The following KDM6A variants were observed in gnomAD, a reference collection of about 807,000 sequenced individuals.
The protein encoded by KDM6A is lysine-specific demethylase 6A.
A neutral mutation model predicts 117.6 loss-of-function variants in KDM6A; 11 were observed. The ratio of observed to expected loss-of-function variants is 0.09; its 90% CI spans 0.06 to 0.15. The LOEUF (loss-of-function observed/expected upper bound fraction) is 0.15. KDM6A is among the 10% of genes least tolerant of loss of function. KDM6A has a pLI of 1.00. For synonymous variants in KDM6A, 384 were observed against 396.1 expected (o/e 0.97, Z 0.36); for missense variants, 799 against 1,077.3 (o/e 0.74, Z 3.62).
intron 8 of KDM6A, among the ~76,000 whole-genome samples, chrX:45,042,016 G>A (rs1289519460): frequency 2.7e-5 from 3 of 110,748 alleles, no homozygotes; most frequent in Admixed American, 9.4e-5. Flanking sequence ...TCGGGAGGCC[G>A]AGGCTGGCGG....
At chrX:44,883,989 C>T (rs1217114373) in intron 2 of KDM6A, among the ~76,000 whole-genome samples, 1 of 106,595 alleles carries the variant, frequency 9.4e-6, no homozygotes, top group African/African-American at 3.4e-5. Flanking sequence ...GTAATTCCAG[C>T]TACTTGGGAG....
intron 2 of KDM6A, among the ~76,000 whole-genome samples, chrX:44,937,304 T>C (rs1242413284): frequency 9.0e-6 from 1 of 111,413 alleles, no homozygotes; most frequent in Non-Finnish European, 1.9e-5. Flanking sequence ...AGGAGAGTTA[T>C]AGGCACACCT....
At chrX:44,950,620 A>G in intron 2 of KDM6A, among the ~76,000 whole-genome samples, 1 of 110,654 alleles carries the variant, frequency 9.0e-6, no homozygotes, top group Non-Finnish European at 1.9e-5. Context: ...GTGTGAATAT[A>G]GAATCCATTA....
chrX:44,966,255 C>G (rs1447039089), intron 3 of KDM6A, among the ~76,000 whole-genome samples: 5 of 110,363 alleles, frequency 4.5e-5, no homozygotes, highest in Admixed American at 9.7e-5. Context: ...GATTCTCCTA[C>G]CTCAGCCTCC....
At chrX:45,005,975 C>A (rs2041439106) in intron 4 of KDM6A, among the ~76,000 whole-genome samples, 2 of 61,496 alleles carry the variant, frequency 3.3e-5, no homozygotes, top group African/African-American at 1.5e-4. Flanking sequence ...CCCCACCCCC[C>A]CCACCCCCCA....
intron 2 of KDM6A, among the ~76,000 whole-genome samples, chrX:44,922,593 C>T (rs899621649): frequency 2.7e-5 from 3 of 111,486 alleles, no homozygotes; most frequent in Non-Finnish European, 5.6e-5. Flanking sequence ...TTCAGCCTTC[C>T]GAGTAGCTGG....
In KDM6A at chrX:44,969,649, C is replaced by A. The variant is rs756537053; in HGVS notation, c.335-5017C>A. On this transcript the variant is annotated intron_variant, in intron 3 of 29. Coordinates refer to ENST00000611820, the MANE Select transcript of KDM6A (RefSeq NM_001291415.2). ...GCCAGGATGGTCTCGATCTCCTGAC[C>A]TTGTGATCCGCCTGCCTCGGCCTCC... 1.2e-4 allele frequency among the ~76,000 whole-genome samples: 13 copies of A among 110,404 alleles called. No individual in the cohort carries two copies. In the East Asian group the frequency reaches 3.4e-3, roughly 29 times the overall value.
At chrX:45,020,452 T>C (rs749589429) in intron 5 of KDM6A, among the ~76,000 whole-genome samples, 158 bp from the exon 6 acceptor site, 25 of 112,032 alleles carry the variant, frequency 2.2e-4, no homozygotes, top group East Asian at 1.7e-3. Context: ...TATGCCCCTT[T>C]TCAATTTTAC....
At chrX:45,092,615 A>G (rs1373694289) in intron 27 of KDM6A, among the ~76,000 whole-genome samples, 3 of 111,775 alleles carry the variant, frequency 2.7e-5, no homozygotes, top group Non-Finnish European at 5.6e-5. Flanking sequence ...GGACATACCA[A>G]TGTTTAAGAT....
At chrX:45,033,111 C>G (rs1263197171) in intron 6 of KDM6A, among the ~76,000 whole-genome samples, 1 of 111,993 alleles carries the variant, frequency 8.9e-6, no homozygotes. Context: ...GTTCTTCTAT[C>G]TAAATATTTA....
At chrX:44,919,782 G>C (rs1193058525) in intron 2 of KDM6A, among the ~76,000 whole-genome samples, 1 of 109,816 alleles carries the variant, frequency 9.1e-6, no homozygotes, top group African/African-American at 3.3e-5. Context: ...GCTAATTTAT[G>C]TATTTTCAGT....
At chrX:44,988,755 A>T (rs1247323304) in intron 4 of KDM6A, among the ~76,000 whole-genome samples, 1 of 110,627 alleles carries the variant, frequency 9.0e-6, no homozygotes, top group Non-Finnish European at 1.9e-5. Flanking sequence ...TTGCTGCCTG[A>T]TCGTTCCTCT....
At chrX:45,065,600 G>T (rs1389873046) in intron 17 of KDM6A, among the ~76,000 whole-genome samples, 1 of 111,700 alleles carries the variant, frequency 9.0e-6, no homozygotes, top group Non-Finnish European at 1.9e-5. Flanking sequence ...CAGCTTCTGG[G>T]TATATTTGGA....
intron 26 of KDM6A, among the ~76,000 whole-genome samples, chrX:45,090,353 G>A (rs1171784976): frequency 8.9e-6 from 1 of 112,124 alleles, no homozygotes; most frequent in Non-Finnish European, 1.9e-5. Flanking sequence ...GGAGTTTAGA[G>A]CCAGAAAGAC....
At chrX:44,986,062 T>C (rs769908337) in intron 4 of KDM6A, among the ~76,000 whole-genome samples, 1 of 111,881 alleles carries the variant, frequency 8.9e-6, no homozygotes, top group Admixed American at 9.5e-5. Flanking sequence ...GTTGGTAAGC[T>C]ATTAATTATT....
chrX:44,901,161 A>G (rs920629975), intron 2 of KDM6A, among the ~76,000 whole-genome samples: 1 of 111,194 alleles, frequency 9.0e-6, no homozygotes, highest in Non-Finnish European at 1.9e-5. Flanking sequence ...CGGGCAGATC[A>G]CTTGAGGGTC....
intron 2 of KDM6A, among the ~76,000 whole-genome samples, chrX:44,938,170 G>C (rs185097789): frequency 9.0e-6 from 1 of 111,489 alleles, no homozygotes; most frequent in Admixed American, 9.5e-5. Context: ...ATGTTGTCTA[G>C]GCTGGTTTTG....
chrX:44,930,540 G>A (rs1172754662), intron 2 of KDM6A, among the ~76,000 whole-genome samples: 1 of 111,391 alleles, frequency 9.0e-6, no homozygotes, highest in Non-Finnish European at 1.9e-5. Flanking sequence ...TCTGAAAAGG[G>A]TTGTTCTATT....
At chrX:45,107,947 A>AGAGGTGCAGGAACAAAGAT (rs1445317844) in intron 28 of KDM6A, among the ~76,000 whole-genome samples, 1 of 111,847 alleles carries the variant, frequency 8.9e-6, no homozygotes, top group African/African-American at 3.2e-5. Context: ...AAGGCTTGCA[A>AGAGGTGCAGGAACAAAGAT]GAGGTGCAGG....
Sources: gnomAD v4.1 joint callset for allele counts (sites outside exome capture counted in the v4.1 genomes callset) on GRCh38, gnomAD v4.1.1 for gene constraint, MANE v1.5 for transcripts, NCBI Gene and HGNC (gene_info 2026-07-23, HGNC 2026-07-21) for gene names.